Variants in UNC13C observed in about 807,000 individuals in gnomAD.
UNC13C encodes the protein protein unc-13 homolog C.
UNC13C carries 174 observed loss-of-function variants against 245.4 expected under a neutral mutation model. The observed-to-expected ratio is 0.71, with a 90% confidence interval of 0.63 to 0.80. The LOEUF (loss-of-function observed/expected upper bound fraction) is 0.80, where lower values mean the gene tolerates loss of function less well. Ranked by LOEUF, UNC13C falls within the 30% of genes least tolerant of loss-of-function variation. The pLI, the probability that UNC13C is intolerant of heterozygous loss-of-function variation, is 0.00. For missense variants in UNC13C, 2,829 were observed against 2,602.9 expected (o/e 1.09, Z -1.89); for synonymous variants, 992 against 895.1 (o/e 1.11, Z -1.93).
intron 2 of UNC13C, among the ~76,000 whole-genome samples, chr15:54,036,475 G>C (rs142311743): frequency 6.6e-6 from 1 of 152,100 alleles, no homozygotes. Context: ...CTCACTTAAC[G>C]CGCTCAAAAG....
chr15:54,486,442 GAA>G (rs530405388), intron 19 of UNC13C, among the ~76,000 whole-genome samples: 1 of 84,764 alleles, frequency 1.2e-5, no homozygotes, highest in Non-Finnish European at 2.6e-5. Flanking sequence ...CCATCTCAAA[GAA>G]AAAAAAAAAA....
the UNC13C span, among the ~76,000 whole-genome samples, chr15:53,962,020 G>A: frequency 2.4e-4 from 36 of 152,156 alleles, no homozygotes; most frequent in South Asian, 4.1e-4. Flanking sequence ...GAGTTAATGC[G>A]TTATGTTTTC....
chr15:54,203,894 A>G (rs1013344844), intron 4 of UNC13C, among the ~76,000 whole-genome samples: 1 of 80,892 alleles, frequency 1.2e-5, no homozygotes. Flanking sequence ...GTGTATATGT[A>G]TATGTGTGTG....
Position 54,525,846 on chromosome 15 carries a change from C to T in UNC13C, c.5546+209C>T, listed in dbSNP as rs575671008. ...ACTCCCTAGAACTCTGTGCATCCTTCGGTCGGATAACACCTATAACACTAT... is the reference window on the plus strand; with the variant it reads ...ACTCCCTAGAACTCTGTGCATCCTTTGGTCGGATAACACCTATAACACTAT... On this transcript the variant is annotated intron_variant, in intron 25 of 32. Transcript: ENST00000260323. Among the ~76,000 whole-genome samples the T allele has an allele frequency of 1.1e-3, 173 of 152,270 alleles. 1 individual carries two copies. The highest frequency in any genetic ancestry group is 4.0e-3 in the African/African-American group (168 of 41,562).
At chr15:54,330,875 G>A (rs1028785611) in intron 14 of UNC13C, among the ~76,000 whole-genome samples, 1 of 152,002 alleles carries the variant, frequency 6.6e-6, no homozygotes, top group Non-Finnish European at 1.5e-5. Context: ...CTTCTGGAAG[G>A]CAGGGCTCAT....
At chr15:54,157,006 T>G (rs2032778385) in intron 4 of UNC13C, among the ~76,000 whole-genome samples, 1 of 152,062 alleles carries the variant, frequency 6.6e-6, no homozygotes, top group South Asian at 2.1e-4. Context: ...AAGTAACTTT[T>G]AAGGAGAGAG....
At position 54,213,592 on chromosome 15, in the gene UNC13C, C is replaced by T. The variant is rs146366243; in HGVS notation, c.3072-21438C>T. Reference sequence around the variant, plus strand: ...TCCTGGGAAATTACCCCTCTGGGTACATTCATGGGTTGCAGGCAAATTATT... The same window carrying T: ...TCCTGGGAAATTACCCCTCTGGGTATATTCATGGGTTGCAGGCAAATTATT... On this transcript the variant is annotated intron_variant, in intron 4 of 32. Coordinates refer to ENST00000260323, the MANE Select transcript of UNC13C (RefSeq NM_001080534.3). Among the ~76,000 whole-genome samples the T allele has an allele frequency of 4.3e-3, 652 of 152,148 alleles. 7 individuals carry two copies. The highest frequency in any genetic ancestry group is 0.015 in the African/African-American group (628 of 41,520).
chr15:54,449,660 C>T (rs983988278), intron 19 of UNC13C, among the ~76,000 whole-genome samples: 1 of 152,156 alleles, frequency 6.6e-6, no homozygotes, highest in Non-Finnish European at 1.5e-5. Flanking sequence ...ATTGGTTATT[C>T]TAGTTAGCCA....
chr15:54,261,031 G>A lies in UNC13C; in HGVS notation c.3449-3137G>A, dbSNP rs144884120. On this transcript the variant is annotated intron_variant, in intron 8 of 32. Transcript: ENST00000260323. ...CTGTCTAAGGTTGAATTATGGTTGT[G>A]TTGTCCATAATTATATTGTCTTATC... Among the ~76,000 whole-genome samples the A allele has an allele frequency of 2.1e-3, 324 of 152,178 alleles. 3 individuals carry two copies. The highest frequency in any genetic ancestry group is 7.2e-3 in the African/African-American group (299 of 41,540).
the UNC13C span, among the ~76,000 whole-genome samples, chr15:53,842,940 A>AT: frequency 1.3e-5 from 2 of 149,400 alleles, no homozygotes; most frequent in African/African-American, 4.9e-5. Context: ...AAAATAGATA[A>AT]TAAAAAGTTC....
chr15:54,268,835 G>A (rs535223492), intron 10 of UNC13C, among the ~76,000 whole-genome samples: 47 of 152,048 alleles, frequency 3.1e-4, no homozygotes, highest in Admixed American at 2.7e-3. Flanking sequence ...CTGGCCTTGG[G>A]CAGTTTCTTT....
upstream of UNC13C, among the ~76,000 whole-genome samples, chr15:53,977,315 A>C (rs1476243647): frequency 6.6e-6 from 1 of 152,170 alleles, no homozygotes; most frequent in African/African-American, 2.4e-5. Context: ...GGTAGGTGAA[A>C]TGTTTTGCCA....
At chr15:54,054,290 T>C (rs1335776967) in intron 2 of UNC13C, among the ~76,000 whole-genome samples, 1 of 152,148 alleles carries the variant, frequency 6.6e-6, no homozygotes, top group African/African-American at 2.4e-5. Flanking sequence ...GATGGTTCTG[T>C]ATTAGTATCC....
the UNC13C span, among the ~76,000 whole-genome samples, chr15:53,902,136 A>G: frequency 1.3e-5 from 2 of 151,990 alleles, no homozygotes; most frequent in East Asian, 1.9e-4. Flanking sequence ...TTCTTTCCTC[A>G]TAGCGTATAA....
intron 30 of UNC13C, among the ~76,000 whole-genome samples, chr15:54,620,002 CTAACCCACAATTG>C (rs200314575): frequency 0.039 from 5,962 of 152,248 alleles, 218 homozygotes; most frequent in Admixed American, 0.12. Flanking sequence ...CCCATTGTTT[CTAACCCACAATTG>C]TCAGAAAATT....
At chr15:54,107,571 T>C (rs923616320) in intron 2 of UNC13C, among the ~76,000 whole-genome samples, 1 of 152,198 alleles carries the variant, frequency 6.6e-6, no homozygotes, top group African/African-American at 2.4e-5. Flanking sequence ...TTAAAGTTTA[T>C]GATATTAATT....
intron 1 of UNC13C, among the ~76,000 whole-genome samples, chr15:53,985,627 G>A (rs1304185851): frequency 6.6e-6 from 1 of 151,978 alleles, no homozygotes; most frequent in East Asian, 1.9e-4. Flanking sequence ...TAGTGTACAT[G>A]TAGCTCATGA....
the UNC13C span, chr15:53,955,933 C>T: frequency 6.6e-6 from 1 of 152,182 alleles, no homozygotes; most frequent in East Asian, 1.9e-4. Context: ...AACCTAGGTT[C>T]CCATCAGTAG....
chr15:54,087,848 G>A (rs1321220808), intron 2 of UNC13C, among the ~76,000 whole-genome samples: 1 of 152,118 alleles, frequency 6.6e-6, no homozygotes, highest in Non-Finnish European at 1.5e-5. Context: ...TTTCCTGATT[G>A]AGGAAATTAT....
Sources: gnomAD v4.1 joint callset for allele counts (sites outside exome capture counted in the v4.1 genomes callset) on GRCh38, gnomAD v4.1.1 for gene constraint, MANE v1.5 for transcripts, NCBI Gene and HGNC (gene_info 2026-07-23, HGNC 2026-07-21) for gene names.